The following TMEM53 variants were observed in gnomAD, a reference collection of about 807,000 sequenced individuals.
The protein encoded by TMEM53 is transmembrane protein 53, also known as novel DUF829 domain-containing protein.
A neutral mutation model predicts 21.4 loss-of-function variants in TMEM53; 14 were observed. The observed-to-expected ratio is 0.65, with a 90% CI of 0.43 to 1.02. The LOEUF (loss-of-function observed/expected upper bound fraction) is 1.02, where lower values mean the gene tolerates loss of function less well. Ranked by LOEUF, TMEM53 falls within the 50% of genes least tolerant of loss-of-function variation. The pLI, the probability that TMEM53 is intolerant of heterozygous loss-of-function variation, is 0.00. For missense variants in TMEM53, 323 were observed against 383.6 expected (o/e 0.84, Z 1.32); for synonymous variants, 148 against 157.4 (o/e 0.94, Z 0.45).
At chr1:44,657,943 C>G (rs1200562512) in intron 2 of TMEM53, among the ~76,000 whole-genome samples, 1 of 151,858 alleles carries the variant, frequency 6.6e-6, no homozygotes, top group Admixed American at 6.6e-5. Context: ...CTTTCCAAGA[C>G]TACCCCTCCC....
At chr1:44,667,318 T>G (rs1174238566) in intron 1 of TMEM53, among the ~76,000 whole-genome samples, 9 of 151,258 alleles carry the variant, frequency 6.0e-5, no homozygotes, top group South Asian at 4.2e-4. Context: ...TTTTGTTGTT[T>G]TTTTTTTTTT....
intron 1 of TMEM53, among the ~76,000 whole-genome samples, chr1:44,670,794 G>A (rs1644992994): frequency 1.3e-5 from 2 of 152,170 alleles, no homozygotes; most frequent in South Asian, 4.1e-4. Flanking sequence ...CCATGACCAG[G>A]CCCCAGACTC....
chr1:44,665,727 A>G (rs182521229), intron 1 of TMEM53, among the ~76,000 whole-genome samples: 2 of 152,282 alleles, frequency 1.3e-5, no homozygotes, highest in East Asian at 3.9e-4. Context: ...TCAATAATAC[A>G]TTAAGCAGAT....
chr1:44,668,740 G>A (rs1478487858), intron 1 of TMEM53, among the ~76,000 whole-genome samples: 1 of 151,996 alleles, frequency 6.6e-6, no homozygotes, highest in African/African-American at 2.4e-5. Flanking sequence ...GTAGGGTTTG[G>A]CCATGTTGCC....
chr1:44,665,346 T>G (rs897849046), intron 1 of TMEM53, among the ~76,000 whole-genome samples: 2 of 152,112 alleles, frequency 1.3e-5, no homozygotes, highest in Non-Finnish European at 2.9e-5. Flanking sequence ...CTCAAAAACA[T>G]GCAATCTTTG....
At chr1:44,656,961 G>A (rs988007715) in intron 2 of TMEM53, among the ~76,000 whole-genome samples, 9 of 151,952 alleles carry the variant, frequency 5.9e-5, no homozygotes, top group Non-Finnish European at 8.8e-5. Flanking sequence ...GCAGTGAGCC[G>A]GGATCACGCC....
rs753331924 is a variant in TMEM53 at position 44,655,130 on chromosome 1, A to G, written c.263T>C (p.Val88Ala). 1.9e-6 allele frequency: 3 copies of G among 1,614,194 alleles called. No homozygotes were observed. The South Asian group carries it at 3.3e-5, about 18-fold the overall frequency. ...CAGCTCGAGCAGCTTCTGGGCCAAAACACGAAGTGAAGGGATACCCAGTGA... is the reference window on the plus strand; with the variant it reads ...CAGCTCGAGCAGCTTCTGGGCCAAAGCACGAAGTGAAGGGATACCCAGTGA... ...SESLGIPSLR[V>A]LAQKLLELLF... Residue 88 changes from valine to alanine, a missense_variant, in exon 3 of 3, where the codon GTT (valine) becomes GCT (alanine). Coordinates refer to ENST00000372237, the MANE Select transcript of TMEM53 (RefSeq NM_024587.4). The surrounding 1 kb of genome is among the most constrained non-coding windows in gnomAD (Gnocchi z 4.4).
At position 44,655,198 on chromosome 1, in the gene TMEM53, T is replaced by A. The variant is rs1211025199; in HGVS notation, c.195A>T (p.Val65=). The A allele has an allele frequency of 1.2e-6, 2 of 1,605,402 alleles. No individual in the cohort carries two copies. The highest frequency in any genetic ancestry group is 1.7e-6 in the Non-Finnish European group (2 of 1,175,522). The change falls in exon 3 of 3, where the codon GTA becomes GTT. Residue 65 remains valine (V), a synonymous_variant. Transcript: ENST00000372237. The surrounding 1 kb of genome is among the most constrained non-coding windows in gnomAD (Gnocchi z 4.4). The part of the protein sequence containing the change: ...SAIYHKRGCI[V]IRYTAPWHMV... ...TGTGCCACGGGGCTGTGTATCGGAT[T>A]ACGATGCAGCCCTGGGGAGAGAGGC...
Position 44,655,171 on chromosome 1 carries a change from C to T in TMEM53, c.222G>A (p.Met74Ile), listed in dbSNP as rs372562498. Residue 74 changes from methionine to isoleucine, a missense_variant, in exon 3 of 3, where the codon ATG (methionine) becomes ATA (isoleucine). Transcript: ENST00000372237. This position sits in a 1 kb window ranked among gnomAD's most constrained non-coding sequence, Gnocchi z 4.4. The part of the protein sequence containing the change: ...IVIRYTAPWH[M>I]VFFSESLGIP... Reference sequence around the variant, plus strand: ...TACCCAGTGACTCGGAGAAGAAGACCATGTGCCACGGGGCTGTGTATCGGA... The same window carrying T: ...TACCCAGTGACTCGGAGAAGAAGACTATGTGCCACGGGGCTGTGTATCGGA... 8 of 1,612,800 alleles carry T rather than the reference C, an allele frequency of 5.0e-6. No individual in the cohort carries two copies. The highest frequency in any genetic ancestry group is 1.7e-6 in the Non-Finnish European group (2 of 1,179,396).
chr1:44,663,856 T>C (rs1294445802), intron 1 of TMEM53, among the ~76,000 whole-genome samples: 1 of 152,230 alleles, frequency 6.6e-6, no homozygotes, highest in Non-Finnish European at 1.5e-5. Flanking sequence ...TCAGGCACTA[T>C]TGTAAGCATT....
Position 44,654,656 on chromosome 1 carries a change from T to C in TMEM53, c.737A>G (p.Asp246Gly), listed in dbSNP as rs375063600. ...GCTGACGTGTGCAGATGACACGAAA[T>C]CCACAGAACGCGCCAGGACCCGGCG... ...LARRVLARSV[D>G]FVSSAHVSHL... The change falls in exon 3 of 3, where the codon GAT becomes GGT. Residue 246 changes from aspartate to glycine, a missense_variant. This residue lies in a region of TMEM53 where 269 missense variants were observed against 334.5 expected (regional missense o/e 0.80). Transcript: ENST00000372237. This position sits in a 1 kb window ranked among gnomAD's most constrained non-coding sequence, Gnocchi z 7.0. 11 of 1,614,014 alleles carry C rather than the reference T, an allele frequency of 6.8e-6. No individual in the cohort carries two copies. The highest frequency in any genetic ancestry group is 9.3e-6 in the Non-Finnish European group (11 of 1,180,002).
At chr1:44,661,025 G>A (rs184724695) in intron 1 of TMEM53, among the ~76,000 whole-genome samples, 1 of 151,950 alleles carries the variant, frequency 6.6e-6, no homozygotes, top group East Asian at 1.9e-4. Context: ...AAATTATATG[G>A]AATTTAAATT....
At chr1:44,660,690 T>TA (rs888146722) in intron 1 of TMEM53, among the ~76,000 whole-genome samples, 10 of 149,868 alleles carry the variant, frequency 6.7e-5, no homozygotes, top group South Asian at 2.1e-4. Context: ...TTTAAATGGT[T>TA]AAAAAAAAAA....
chr1:44,658,897 A>C (rs1644873804), intron 2 of TMEM53, among the ~76,000 whole-genome samples: 1 of 152,060 alleles, frequency 6.6e-6, no homozygotes, highest in Non-Finnish European at 1.5e-5. Context: ...ATCCCTGCTT[A>C]AATACCCTGA....
chr1:44,674,421 T>G lies in TMEM53; in HGVS notation c.-30A>C. On this transcript the variant is annotated 5_prime_UTR_variant, in exon 1 of 3. Coordinates refer to ENST00000372237, the MANE Select transcript of TMEM53 (RefSeq NM_024587.4). ...AAGGCGCCGGCCCAGAGCACGGGTC[T>G]CCAGCCGGAACTCCCGCTTGCGCAC... The G allele has an allele frequency of 6.3e-7, 1 of 1,594,228 alleles. No individual in the cohort carries two copies. Among genetic ancestry groups the G allele is most frequent in the South Asian group, 1.1e-5 (1 of 89,164 alleles).
At chr1:44,674,088 G>C (rs1432275267) in intron 1 of TMEM53, 1 of 985,356 alleles carries the variant, frequency 1.0e-6, no homozygotes, top group Non-Finnish European at 1.2e-6. Context: ...GACAGAAAAA[G>C]AGGTCCCAAG....
At chr1:44,669,643 T>C (rs991664145) in intron 1 of TMEM53, among the ~76,000 whole-genome samples, 2 of 152,134 alleles carry the variant, frequency 1.3e-5, no homozygotes, top group African/African-American at 2.4e-5. Flanking sequence ...AAGGAGCTCC[T>C]GGTGGGCCTG....
chr1:44,660,113 C>T, intron 2 of TMEM53, 61 bp downstream of exon 2: 1 of 1,570,232 alleles, frequency 6.4e-7, no homozygotes, highest in Non-Finnish European at 8.7e-7. Context: ...CATTCCCAGT[C>T]CTGCCTCAAA....
chr1:44,659,086 T>C (rs564850908), intron 2 of TMEM53, among the ~76,000 whole-genome samples: 132 of 152,052 alleles, frequency 8.7e-4, no homozygotes, highest in Non-Finnish European at 1.7e-3. Context: ...AGTGAGGCTG[T>C]CTGTAAAAAG....
Sources: gnomAD v4.1 joint callset for allele counts (sites outside exome capture counted in the v4.1 genomes callset) on GRCh38, gnomAD v4.1.1 for gene constraint, gnomAD v4.1.1 regional missense constraint, Gnocchi (gnomAD v3.1) non-coding constraint, MANE v1.5 for transcripts, NCBI Gene and HGNC (gene_info 2026-07-23, HGNC 2026-07-21) for gene names.